TPH2: variants seen among roughly 807,000 people sequenced by gnomAD.
TPH2 encodes the protein tryptophan hydroxylase 2.
In TPH2, 27 loss-of-function variants were observed where a neutral mutation model predicts 59.1. The ratio of observed to expected loss-of-function variants is 0.46; its 90% CI spans 0.34 to 0.63. The LOEUF (loss-of-function observed/expected upper bound fraction) is 0.63, where lower values mean the gene tolerates loss of function less well. Among genes scored for constraint, TPH2 ranks in the 30% least tolerant of loss-of-function variants. The pLI is 0.01. For missense variants in TPH2, 523 were observed against 588.3 expected, an observed-to-expected ratio of 0.89 and a Z score of 1.15; for synonymous variants, 220 against 210.5, an observed-to-expected ratio of 1.05 and a Z score of -0.39.
intron 5 of TPH2, among the ~76,000 whole-genome samples, chr12:71,956,658 G>A (rs1871515159): frequency 6.6e-6 from 1 of 151,742 alleles, no homozygotes; most frequent in South Asian, 2.1e-4. Flanking sequence ...TGCCTGAGCT[G>A]GAGTGCAGTG....
At position 71,966,216 on chromosome 12, in the gene TPH2, TC is replaced by T. The variant is rs552837057; in HGVS notation, c.609-6300del. Among the ~76,000 whole-genome samples, 500 of 152,010 alleles carry T rather than the reference TC, an allele frequency of 3.3e-3. 1 individual carries two copies. Among genetic ancestry groups the T allele is most frequent in the African/African-American group, 0.012 (485 of 41,418 alleles). On this transcript the variant is annotated intron_variant, in intron 5 of 10. Transcript: ENST00000333850. ...AACAAGAGACCACTAGCCTTGATGTTCCCATAATCTTTCTTCAAAGGCCCTG... is the reference window on the plus strand; with the variant it reads ...AACAAGAGACCACTAGCCTTGATGTTCCATAATCTTTCTTCAAAGGCCCTG...
At chr12:71,961,765 G>C (rs1373538114) in intron 5 of TPH2, 1 of 1,318,218 alleles carries the variant, frequency 7.6e-7, no homozygotes, top group Non-Finnish European at 1.0e-6. Context: ...TGCAAGGTGA[G>C]AAAATAGTGG....
chr12:71,942,867 G>C (rs565724471), intron 2 of TPH2, among the ~76,000 whole-genome samples: 1 of 152,172 alleles, frequency 6.6e-6, no homozygotes, highest in Non-Finnish European at 1.5e-5. Context: ...GTCATCCAAG[G>C]CTGTGTCCAT....
At chr12:72,005,589 C>T (rs1164236823) in intron 8 of TPH2, among the ~76,000 whole-genome samples, 1 of 152,132 alleles carries the variant, frequency 6.6e-6, no homozygotes, top group East Asian at 1.9e-4. Flanking sequence ...TCGAGGTTTG[C>T]ATCCATTTAT....
chr12:72,022,610 T>A, intron 9 of TPH2, 116 bp downstream of exon 9: 2 of 908,280 alleles, frequency 2.2e-6, no homozygotes, highest in Non-Finnish European at 3.5e-6. Context: ...ATATTTAACA[T>A]AGAGGATTTG....
intron 7 of TPH2, among the ~76,000 whole-genome samples, chr12:71,980,287 C>T (rs1396097144): frequency 1.3e-5 from 2 of 152,110 alleles, no homozygotes; most frequent in African/African-American, 4.8e-5. Context: ...CTCAGGGTAT[C>T]GCTTTGCTTA....
At chr12:72,022,069 C>T (rs746545649) in intron 8 of TPH2, among the ~76,000 whole-genome samples, 9 of 151,992 alleles carry the variant, frequency 5.9e-5, no homozygotes, top group Non-Finnish European at 8.8e-5. Flanking sequence ...CATATTGTTA[C>T]GGAGGTATCA....
chr12:71,972,092 T>A (rs971203467), intron 5 of TPH2, among the ~76,000 whole-genome samples: 2 of 152,134 alleles, frequency 1.3e-5, no homozygotes, highest in African/African-American at 4.8e-5. Context: ...TTGGAGTGAG[T>A]CTGGGCAAGG....
chr12:71,985,041 A>C (rs1872391834), intron 7 of TPH2, among the ~76,000 whole-genome samples: 1 of 152,246 alleles, frequency 6.6e-6, no homozygotes, highest in African/African-American at 2.4e-5. Context: ...AACTGGACAC[A>C]GGTTTACTGT....
rs1871749069 is a variant in TPH2 at position 71,963,982 on chromosome 12, A to G, written c.609-8537A>G. 3.9e-5 allele frequency among the ~76,000 whole-genome samples: 2 copies of G among 50,662 alleles called. 1 individual carries two copies. The highest frequency in any genetic ancestry group is 4.1e-4 in the Admixed American group (2 of 4,838). 33.2% of individuals were successfully genotyped at this position (50,662 alleles called of 152,430 possible). A position where few individuals can be genotyped will look rare whatever the true frequency, so the allele number is the denominator to read the frequency against. On this transcript the variant is annotated intron_variant, in intron 5 of 10. Transcript: ENST00000333850. ...ATGCTGAGACTTCTTGTTGAAACCC[A>G]GCAAGCCTGAAAAGCAAAAAGGAGA...
At chr12:72,023,269 A>G (rs1592416557) in intron 9 of TPH2, among the ~76,000 whole-genome samples, 1 of 152,248 alleles carries the variant, frequency 6.6e-6, no homozygotes, top group African/African-American at 2.4e-5. Context: ...TATTCAGACT[A>G]AGGTCAGGAT....
At position 71,944,226 on chromosome 12, in the gene TPH2, C is replaced by A. The variant is rs377712127; in HGVS notation, c.256-68C>A. ...CTTGGCACCTTGCTTAAGATGTGAA[C>A]AAGAAAAGCTCATGGCATTCCTTTT... is the stretch of plus-strand genomic sequence containing the variant. On this transcript the variant is annotated intron_variant, in intron 2 of 10. Transcript: ENST00000333850. 4.2e-4 allele frequency: 662 copies of A among 1,567,802 alleles called. 3 individuals are homozygous for A. The African/African-American group carries it at 8.1e-3, about 19-fold the overall frequency.
chr12:71,985,363 A>G (rs1482268547), intron 7 of TPH2, among the ~76,000 whole-genome samples: 1 of 152,082 alleles, frequency 6.6e-6, no homozygotes, highest in African/African-American at 2.4e-5. Context: ...TTGTTTTCCA[A>G]TGGCATATTT....
At chr12:71,951,562 G>A (rs1871346431) in intron 5 of TPH2, among the ~76,000 whole-genome samples, 1 of 152,084 alleles carries the variant, frequency 6.6e-6, no homozygotes, top group South Asian at 2.1e-4. Flanking sequence ...TGCTCTGACT[G>A]TTCTCAAACT....
intron 5 of TPH2, among the ~76,000 whole-genome samples, chr12:71,971,535 C>T (rs540377737): frequency 1.4e-4 from 22 of 152,250 alleles, no homozygotes; most frequent in East Asian, 5.8e-4. Context: ...GGTTGCAGCA[C>T]GAGGTATATT....
chr12:71,944,762 G>A, intron 4 of TPH2, 76 bp downstream of exon 4: 3 of 1,269,984 alleles, frequency 2.4e-6, no homozygotes, highest in East Asian at 4.6e-5. Flanking sequence ...GCCATGTTCT[G>A]TGCTGCAATG....
intron 8 of TPH2, among the ~76,000 whole-genome samples, chr12:71,995,175 A>G (rs562897013): frequency 6.6e-6 from 1 of 152,308 alleles, no homozygotes; most frequent in African/African-American, 2.4e-5. Context: ...ATGTTATAGT[A>G]TCTTCCTAAA....
At chr12:72,012,663 T>A (rs1480263526) in intron 8 of TPH2, among the ~76,000 whole-genome samples, 1 of 152,218 alleles carries the variant, frequency 6.6e-6, no homozygotes, top group East Asian at 1.9e-4. Flanking sequence ...GTCTTGGAGA[T>A]GGGAGTATCT....
At chr12:71,962,716 T>TTTTTG (rs545339611) in intron 5 of TPH2, 40 of 970,344 alleles carry the variant, frequency 4.1e-5, no homozygotes, top group East Asian at 2.3e-4. Flanking sequence ...AAATATTATT[T>TTTTTG]TTTTGTTTTG....
Sources: gnomAD v4.1 joint callset for allele counts (sites outside exome capture counted in the v4.1 genomes callset) on GRCh38, gnomAD v4.1.1 for gene constraint, MANE v1.5 for transcripts, NCBI Gene and HGNC (gene_info 2026-07-23, HGNC 2026-07-21) for gene names.